The following AAK1 variants were observed in gnomAD, a reference collection of about 807,000 sequenced individuals.
AAK1 encodes the protein AP2 associated kinase 1.
AAK1 carries 37 observed loss-of-function variants against 116.0 expected under a neutral mutation model. The observed-to-expected ratio is 0.32, with a 90% CI of 0.25 to 0.42. The LOEUF (loss-of-function observed/expected upper bound fraction) is 0.42. Among genes scored for constraint, AAK1 ranks in the 10% least tolerant of loss-of-function variants. AAK1 has a pLI of 1.00. For synonymous variants in AAK1, 458 were observed against 439.9 expected, an observed-to-expected ratio of 1.04 and a Z score of -0.51; for missense variants, 919 against 1,170.6, an observed-to-expected ratio of 0.79 and a Z score of 3.14.
chr2:69,601,174 C>T (rs893032320), intron 2 of AAK1, among the ~76,000 whole-genome samples: 15 of 152,204 alleles, frequency 9.9e-5, no homozygotes, highest in African/African-American at 1.4e-4. Context: ...TGGTCTGGAA[C>T]AGAACCTGCA....
chr2:69,485,503 C>G (rs1250688647), intron 17 of AAK1, among the ~76,000 whole-genome samples: 1 of 151,866 alleles, frequency 6.6e-6, no homozygotes, highest in East Asian at 1.9e-4. Context: ...ATCCTGCACT[C>G]AATTCTCTCG....
At chr2:69,493,879 CA>C (rs1283065847) in intron 17 of AAK1, among the ~76,000 whole-genome samples, 4 of 152,104 alleles carry the variant, frequency 2.6e-5, no homozygotes, top group Non-Finnish European at 5.9e-5. Context: ...AGGGTGGGAA[CA>C]AGCTTAGCTT....
At chr2:69,523,493 C>T (rs991565330) in intron 10 of AAK1, among the ~76,000 whole-genome samples, 4 of 152,180 alleles carry the variant, frequency 2.6e-5, no homozygotes, top group African/African-American at 4.8e-5. Context: ...TTTGACTGTT[C>T]AATTAAAATT....
chr2:69,525,720 C>T (rs1669994709), intron 9 of AAK1, among the ~76,000 whole-genome samples: 1 of 152,162 alleles, frequency 6.6e-6, no homozygotes. Flanking sequence ...CATGAGGGAG[C>T]ACCAACTAGC....
chr2:69,483,222 C>T (rs1675163749), intron 17 of AAK1, among the ~76,000 whole-genome samples: 1 of 152,184 alleles, frequency 6.6e-6, no homozygotes, highest in Admixed American at 6.5e-5. Context: ...CCTTTACAGT[C>T]AGTGCCTTCC....
intron 11 of AAK1, among the ~76,000 whole-genome samples, chr2:69,519,615 G>C (rs1278099418): frequency 2.0e-5 from 3 of 152,110 alleles, no homozygotes; most frequent in African/African-American, 7.2e-5. Flanking sequence ...TCATTCCCTG[G>C]TGTTCTACAT....
intron 2 of AAK1, among the ~76,000 whole-genome samples, chr2:69,627,725 T>C (rs1025869249): frequency 2.0e-5 from 3 of 152,228 alleles, no homozygotes; most frequent in Non-Finnish European, 4.4e-5. Context: ...AGTCTCCTTA[T>C]GAGATCTCAC....
intron 10 of AAK1, among the ~76,000 whole-genome samples, 180 bp downstream of exon 10, chr2:69,524,853 C>T (rs1669950311): frequency 1.3e-5 from 2 of 151,910 alleles, no homozygotes; most frequent in Admixed American, 1.3e-4. Context: ...CACAATATTT[C>T]ATGATATTCC....
chr2:69,487,121 T>C (rs1259494917), intron 17 of AAK1, among the ~76,000 whole-genome samples: 1 of 152,212 alleles, frequency 6.6e-6, no homozygotes, highest in Non-Finnish European at 1.5e-5. Flanking sequence ...AAAGTTTTGA[T>C]TGCTTTAAAA....
chr2:69,470,793 T>G lies in AAK1; in HGVS notation c.*5076A>C. 2.0e-6 allele frequency: 2 copies of G among 985,852 alleles called. No individual in the cohort carries two copies. The highest frequency in any genetic ancestry group is 2.4e-6 in the Non-Finnish European group (2 of 829,922). 61.1% of individuals were successfully genotyped at this position (985,852 alleles called of 1,614,324 possible). A position where few individuals can be genotyped will look rare whatever the true frequency, so the allele number is the denominator to read the frequency against. ...ATATGTCCTCAGTGTGTAGCTATAC[T>G]TTTCTTGTGCCCAGGTACTTATTGT... is the stretch of plus-strand genomic sequence containing the variant. On this transcript the variant is annotated 3_prime_UTR_variant, in exon 22 of 22. Transcript: ENST00000409085.
chr2:69,518,840 G>A, intron 12 of AAK1, 114 bp downstream of exon 12: 1 of 1,404,258 alleles, frequency 7.1e-7, no homozygotes, highest in Non-Finnish European at 9.4e-7. Context: ...CTACATCTAT[G>A]AGAAACAGTG....
intron 3 of AAK1, among the ~76,000 whole-genome samples, chr2:69,545,028 CA>C (rs61078046): frequency 0.011 from 1,533 of 135,918 alleles, 17 homozygotes; most frequent in African/African-American, 0.034. Flanking sequence ...GGAAATCTAC[CA>C]AAAAAAAAAA....
intron 13 of AAK1, among the ~76,000 whole-genome samples, chr2:69,514,034 T>C (rs1676489148): frequency 6.6e-6 from 1 of 152,136 alleles, no homozygotes; most frequent in Non-Finnish European, 1.5e-5. Context: ...ACTTAAATAA[T>C]GTGATTAGTA....
At chr2:69,479,283 T>TA (rs528567398) in intron 19 of AAK1, among the ~76,000 whole-genome samples, 92 of 152,310 alleles carry the variant, frequency 6.0e-4, no homozygotes, top group African/African-American at 2.1e-3. Context: ...ATTTACACGT[T>TA]ACACATACAA....
In AAK1 at chr2:69,522,583, C is replaced by A. The variant is rs1324740717; in HGVS notation, c.1056-1595G>T. ...CTCTGGGAGGCTGAGGCGGGTGGAT[C>A]ACTTGAGGTCAGGAGTTTGAGACCA... is the stretch of plus-strand genomic sequence containing the variant. On this transcript the variant is annotated intron_variant, in intron 10 of 21. Transcript: ENST00000409085. Among the ~76,000 whole-genome samples, 4 of 152,194 alleles carry A rather than the reference C, an allele frequency of 2.6e-5. No homozygotes were observed. In the South Asian group the frequency reaches 6.2e-4, roughly 24 times the overall value.
chr2:69,643,613 C>A lies in AAK1; in HGVS notation c.-273G>T. ...GCGGCCGGCGCCCTGCTACCAGCCC[C>A]GCGACATTGTCACGGCCGCCGGGCC... On this transcript the variant is annotated 5_prime_UTR_variant, in exon 1 of 22. Transcript: ENST00000409085. 1 of 1,229,032 alleles carries A rather than the reference C, an allele frequency of 8.1e-7. No homozygotes were observed. Among genetic ancestry groups the A allele is most frequent in the South Asian group, 4.2e-5 (1 of 24,048 alleles). The allele number at this position is 1,229,032 out of a possible 1,614,324, so 76.1% of individuals were successfully genotyped here.
chr2:69,556,824 A>G lies in AAK1; in HGVS notation c.282+36T>C. The G allele has an allele frequency of 2.6e-6, 4 of 1,534,692 alleles. No individual in the cohort carries two copies. In the South Asian group the frequency reaches 4.5e-5, roughly 17 times the overall value. ...ATGAGAGGGTACAATCTCTGCCTCC[A>G]TTTTAAACAGTCCCAAGTCCAAGGG... On this transcript the variant is annotated intron_variant, in intron 3 of 21. Transcript: ENST00000409085.
chr2:69,473,127 C>T lies in AAK1; in HGVS notation c.*2742G>A, dbSNP rs546540721. On this transcript the variant is annotated 3_prime_UTR_variant, in exon 22 of 22. Transcript: ENST00000409085. ...ATCGTATAACTCTAAGGAACAGCAA[C>T]TCTGAGAGGTGAAGTGCCTGCTGAA... The T allele has an allele frequency of 2.4e-6, 2 of 839,464 alleles. No individual in the cohort carries two copies. Among genetic ancestry groups the T allele is most frequent in the African/African-American group, 1.8e-5 (1 of 54,296 alleles). 52.0% of individuals were successfully genotyped at this position (839,464 alleles called of 1,614,324 possible).
At chr2:69,539,946 A>G (rs1383903734) in intron 5 of AAK1, among the ~76,000 whole-genome samples, 1 of 152,056 alleles carries the variant, frequency 6.6e-6, no homozygotes, top group Non-Finnish European at 1.5e-5. Context: ...TTTATATTTC[A>G]TCTATTTCTG....
Sources: allele counts gnomAD v4.1 joint callset (sites outside exome capture counted in the v4.1 genomes callset), GRCh38; gene constraint gnomAD v4.1.1; transcripts MANE v1.5; gene names NCBI Gene and HGNC (gene_info 2026-07-23, HGNC 2026-07-21).